The following CDH12 variants were observed in gnomAD, a reference collection of about 807,000 sequenced individuals.
CDH12 encodes cadherin 12.
A neutral mutation model predicts 74.1 loss-of-function variants in CDH12; 41 were observed. The ratio of observed to expected loss-of-function variants is 0.55; its 90% CI spans 0.43 to 0.72. CDH12 has a LOEUF of 0.72. Among genes scored for constraint, CDH12 ranks in the 30% least tolerant of loss-of-function variants. CDH12 has a pLI of 0.00. For synonymous variants in CDH12, 399 were observed against 355.0 expected (o/e 1.12, Z -1.39); for missense variants, 945 against 977.2 (o/e 0.97, Z 0.44).
chr5:21,764,927 C>T, intron 12 of CDH12, 51 bp downstream of exon 12: 5 of 1,583,406 alleles, frequency 3.2e-6, no homozygotes, highest in Non-Finnish European at 3.5e-6. Context: ...TAACTTAAAA[C>T]ATGCATATGG....
intron 8 of CDH12, among the ~76,000 whole-genome samples, chr5:21,832,937 TA>T (rs1436123389): frequency 1.5e-5 from 1 of 67,680 alleles, no homozygotes; most frequent in African/African-American, 1.3e-4. Flanking sequence ...TCATATATTA[TA>T]TATAATATCA....
chr5:22,515,912 T>C (rs906021694), intron 1 of CDH12, among the ~76,000 whole-genome samples: 1 of 152,052 alleles, frequency 6.6e-6, no homozygotes, highest in African/African-American at 2.4e-5. Flanking sequence ...CTATACAACA[T>C]ATAAAAACTT....
chr5:22,637,030 C>G (rs969941188), intron 1 of CDH12, among the ~76,000 whole-genome samples: 1 of 152,148 alleles, frequency 6.6e-6, no homozygotes, highest in Non-Finnish European at 1.5e-5. Context: ...ACATGACTAG[C>G]TGTGGGGATG....
chr5:21,763,580 A>G (rs971661879), intron 12 of CDH12, among the ~76,000 whole-genome samples: 2 of 152,246 alleles, frequency 1.3e-5, no homozygotes, highest in Admixed American at 1.3e-4. Flanking sequence ...AAGGTGATCA[A>G]AAACTAGAGC....
At chr5:22,026,027 A>T (rs1471064423) in intron 5 of CDH12, among the ~76,000 whole-genome samples, 1 of 152,134 alleles carries the variant, frequency 6.6e-6, no homozygotes, top group Non-Finnish European at 1.5e-5. Context: ...TGAGAAGTGG[A>T]ATCAATCTCC....
At chr5:22,631,752 G>A (rs577738645) in intron 1 of CDH12, among the ~76,000 whole-genome samples, 46 of 152,240 alleles carry the variant, frequency 3.0e-4, no homozygotes, top group Middle Eastern at 3.4e-3. Context: ...CTTGCCTCAG[G>A]AAACTTAACA....
intron 4 of CDH12, among the ~76,000 whole-genome samples, chr5:22,087,690 A>C (rs1395519609): frequency 1.3e-5 from 2 of 152,208 alleles, no homozygotes; most frequent in African/African-American, 2.4e-5. Flanking sequence ...TCCTATTTAG[A>C]CATTGCTTTG....
intron 3 of CDH12, among the ~76,000 whole-genome samples, chr5:22,399,718 T>C (rs922010176): frequency 6.6e-6 from 1 of 152,200 alleles, no homozygotes; most frequent in African/African-American, 2.4e-5. Flanking sequence ...GATGGCCTTG[T>C]GTTTCCCGCT....
Position 22,063,157 on chromosome 5 carries a change from G to T in CDH12, c.231+15289C>A, listed in dbSNP as rs1037101396. Among the ~76,000 whole-genome samples the T allele has an allele frequency of 2.0e-5, 3 of 152,116 alleles. No individual in the cohort carries two copies. The East Asian group carries it at 5.8e-4, about 29-fold the overall frequency. ...TACACAAATGATTTCTGCAATGAAA[G>T]TGTAACTATCGTGCTACTTCTATTT... On this transcript the variant is annotated intron_variant, in intron 5 of 14. Transcript: ENST00000382254.
chr5:22,389,390 G>C (rs1742134499), intron 3 of CDH12, among the ~76,000 whole-genome samples: 1 of 152,090 alleles, frequency 6.6e-6, no homozygotes, highest in Non-Finnish European at 1.5e-5. Flanking sequence ...ATATGTGTGT[G>C]TATTTTATAT....
chr5:22,368,358 A>T (rs1741123422), intron 3 of CDH12, among the ~76,000 whole-genome samples: 1 of 151,946 alleles, frequency 6.6e-6, no homozygotes, highest in African/African-American at 2.4e-5. Context: ...GAGTGCAGTG[A>T]TACAATCGAA....
intron 1 of CDH12, among the ~76,000 whole-genome samples, chr5:22,559,038 A>G (rs1164357228): frequency 2.0e-5 from 3 of 152,068 alleles, no homozygotes; most frequent in Non-Finnish European, 2.9e-5. Flanking sequence ...CTCCTTTTCT[A>G]TCTACTCCTT....
chr5:22,789,475 A>C (rs1251419438), intron 1 of CDH12, among the ~76,000 whole-genome samples: 1 of 152,126 alleles, frequency 6.6e-6, no homozygotes, highest in African/African-American at 2.4e-5. Flanking sequence ...ACTTATTATA[A>C]GCATACAGAT....
intron 6 of CDH12, among the ~76,000 whole-genome samples, chr5:21,870,605 A>C (rs1383885748): frequency 1.3e-5 from 2 of 152,164 alleles, no homozygotes; most frequent in African/African-American, 4.8e-5. Context: ...TAACAGTACA[A>C]AATAGATTAT....
intron 4 of CDH12, among the ~76,000 whole-genome samples, chr5:22,109,101 T>C (rs938026362): frequency 6.6e-6 from 1 of 152,182 alleles, no homozygotes; most frequent in African/African-American, 2.4e-5. Flanking sequence ...CTGATCATCA[T>C]AATTCATTTT....
At chr5:21,880,616 C>CTTCCTTCCTTCTTTCTCTCT (rs758455941) in intron 6 of CDH12, among the ~76,000 whole-genome samples, 6 of 50,866 alleles carry the variant, frequency 1.2e-4, no homozygotes, top group South Asian at 1.9e-3. Flanking sequence ...TCCTTCCTTC[C>CTTCCTTCCTTCTTTCTCTCT]TTCTTTCTTT....
chr5:21,993,021 A>T (rs1052618640), intron 5 of CDH12, among the ~76,000 whole-genome samples: 2 of 152,068 alleles, frequency 1.3e-5, no homozygotes, highest in Non-Finnish European at 2.9e-5. Context: ...ATACCATCAG[A>T]TCTTATGAGA....
chr5:21,785,132 T>C (rs1231551791), intron 10 of CDH12, among the ~76,000 whole-genome samples: 1 of 152,196 alleles, frequency 6.6e-6, no homozygotes, highest in Non-Finnish European at 1.5e-5. Context: ...TGATACTTGA[T>C]GTTACTATTG....
At chr5:22,239,977 A>G (rs533726258) in intron 3 of CDH12, among the ~76,000 whole-genome samples, 2 of 152,288 alleles carry the variant, frequency 1.3e-5, no homozygotes, top group Admixed American at 6.5e-5. Context: ...TTCTTCTTAT[A>G]ATCACTATAT....
Sources: gnomAD v4.1 joint callset for allele counts (sites outside exome capture counted in the v4.1 genomes callset) on GRCh38, gnomAD v4.1.1 for gene constraint, MANE v1.5 for transcripts, NCBI Gene and HGNC (gene_info 2026-07-23, HGNC 2026-07-21) for gene names.